The following CA12 variants were observed in gnomAD, a reference collection of about 807,000 sequenced individuals.
The protein encoded by CA12 is carbonic anhydrase 12.
CA12 carries 36 observed loss-of-function variants against 46.8 expected under a neutral mutation model. The ratio of observed to expected loss-of-function variants is 0.77; its 90% CI spans 0.59 to 1.02. The LOEUF (loss-of-function observed/expected upper bound fraction) is 1.02, where lower values mean the gene tolerates loss of function less well. Among genes scored for constraint, CA12 ranks in the 50% least tolerant of loss-of-function variants. The probability of loss-of-function intolerance (pLI) is 0.00; values close to 1 mark genes in which losing one functional copy is unlikely to be tolerated. For synonymous variants in CA12, 202 were observed against 187.0 expected (o/e 1.08, Z -0.65); for missense variants, 436 against 451.4 (o/e 0.97, Z 0.31).
Position 63,328,244 on chromosome 15 carries a change from A to G in CA12, c.875-114T>C. 1.1e-6 allele frequency: 1 copy of G among 924,122 alleles called. No homozygotes were observed. Among genetic ancestry groups the G allele is most frequent in the Non-Finnish European group, 1.8e-6 (1 of 569,260 alleles). The allele number at this position is 924,122 out of a possible 1,614,324, so 57.2% of individuals were successfully genotyped here. A position where few individuals can be genotyped will look rare whatever the true frequency, so the allele number is the denominator to read the frequency against. The stretch of plus-strand genomic sequence containing the variant: ...TTTGGTCTTAGGCTGACAGACCTCT[A>G]GGGATGTCCACCCTTGGCTCAGGGA... On this transcript the variant is annotated intron_variant, in intron 8 of 10. Transcript: ENST00000178638. The surrounding 1 kb of genome is among the most constrained non-coding windows in gnomAD (Gnocchi z 5.9).
At position 63,345,681 on chromosome 15, in the gene CA12, T is replaced by A; in HGVS notation, c.287-62A>T. On this transcript the variant is annotated intron_variant, in intron 3 of 10. Coordinates refer to ENST00000178638, the MANE Select transcript of CA12 (RefSeq NM_001218.5). This position sits in a 1 kb window ranked among gnomAD's most constrained non-coding sequence, Gnocchi z 4.3. ...CCAGCTGTGCACTGCCAGAGAGCAG[T>A]CAGGTAGGCAATGCTCCCTCCACCC... is the stretch of plus-strand genomic sequence containing the variant. 1 of 1,571,784 alleles carries A rather than the reference T, an allele frequency of 6.4e-7. No homozygotes were observed. The highest frequency in any genetic ancestry group is 8.6e-7 in the Non-Finnish European group (1 of 1,164,038).
chr15:63,335,686 G>T (rs1297680381), intron 8 of CA12, among the ~76,000 whole-genome samples: 1 of 151,622 alleles, frequency 6.6e-6, no homozygotes, highest in Non-Finnish European at 1.5e-5. Context: ...TGACTCTGTA[G>T]TTCTTGTTAA....
In CA12 at chr15:63,325,583, C is replaced by G. The variant is rs150453767; in HGVS notation, c.*702G>C. 1,633 of 153,072 alleles carry G rather than the reference C, an allele frequency of 0.011. 7 individuals are homozygous for G. Among genetic ancestry groups the G allele is most frequent in the Non-Finnish European group, 0.015 (1,034 of 68,558 alleles). The allele number at this position is 153,072 out of a possible 1,614,324, so 9.5% of individuals were successfully genotyped here. A position where few individuals can be genotyped will look rare whatever the true frequency, so the allele number is the denominator to read the frequency against. On this transcript the variant is annotated 3_prime_UTR_variant, in exon 11 of 11. Coordinates refer to ENST00000178638, the MANE Select transcript of CA12 (RefSeq NM_001218.5). The surrounding 1 kb of genome is among the most constrained non-coding windows in gnomAD (Gnocchi z 4.9). ...TCTCATTCTCTTTGTCCCTCTAGCT[C>G]TCTCTCCCTTCTCATCCCCACCAAG...
rs2039150404 is a variant in CA12, at chr15:63,346,515, A to G, written c.286+15T>C. 1.2e-6 allele frequency: 2 copies of G among 1,612,776 alleles called. No homozygotes were observed. The highest frequency in any genetic ancestry group is 1.3e-5 in the African/African-American group (1 of 74,886). On this transcript the variant is annotated intron_variant, in intron 3 of 10. Coordinates refer to ENST00000178638, the MANE Select transcript of CA12 (RefSeq NM_001218.5). ...CTCAGACATACCCCTCAGGTCTCCA[A>G]GGCCTCTCCCTCACCTGAATGGCCA...
rs1595794327 is a variant in CA12 at position 63,374,940 on chromosome 15, G to A, written c.106+718C>T. ...TATCAACATTCCCGCACTGGCCAGG[G>A]GACTCAGGTGTCTGGCCTGCCACAT... On this transcript the variant is annotated intron_variant, in intron 2 of 10. Transcript: ENST00000178638. The surrounding 1 kb of genome is among the most constrained non-coding windows in gnomAD (Gnocchi z 4.4). Among the ~76,000 whole-genome samples the A allele has an allele frequency of 6.6e-6, 1 of 152,166 alleles. No individual in the cohort carries two copies. The highest frequency in any genetic ancestry group is 2.4e-5 in the African/African-American group (1 of 41,440).
intron 2 of CA12, among the ~76,000 whole-genome samples, chr15:63,358,274 CA>C (rs1353151576): frequency 6.6e-6 from 1 of 152,182 alleles, no homozygotes; most frequent in Admixed American, 6.5e-5. Flanking sequence ...GCCTGGTTTC[CA>C]GAAAATGAGG....
intron 8 of CA12, among the ~76,000 whole-genome samples, chr15:63,334,390 G>A (rs2038973133): frequency 6.6e-6 from 1 of 151,318 alleles, no homozygotes; most frequent in African/African-American, 2.4e-5. Flanking sequence ...ACAGTAGATG[G>A]GACTACTGGC....
Position 63,381,542 on chromosome 15 carries a change from G to C in CA12, c.85+94C>G, listed in dbSNP as rs12102208. The C allele has an allele frequency of 6.9e-3, 7,036 of 1,015,846 alleles. 284 individuals carry two copies. The African/African-American group carries it at 0.093, about 13-fold the overall frequency. 62.9% of individuals were successfully genotyped at this position (1,015,846 alleles called of 1,614,324 possible). On this transcript the variant is annotated intron_variant, in intron 1 of 10. Coordinates refer to ENST00000178638, the MANE Select transcript of CA12 (RefSeq NM_001218.5). ...TGGTACTACACCTTCCCTGCTCCCC[G>C]CAGCAATGATTTTACTTTATCATTG...
intron 2 of CA12, among the ~76,000 whole-genome samples, chr15:63,361,753 C>G (rs2039366457): frequency 6.6e-6 from 1 of 152,056 alleles, no homozygotes; most frequent in African/African-American, 2.4e-5. Context: ...TCAGGAGGGA[C>G]TCCAGTCCAT....
intron 2 of CA12, among the ~76,000 whole-genome samples, chr15:63,371,310 G>A (rs575763127): frequency 5.9e-5 from 9 of 152,320 alleles, no homozygotes; most frequent in Non-Finnish European, 1.0e-4. Context: ...TCTTTAAGAC[G>A]GACAATGTAT....
At chr15:63,370,784 GAAAAAAA>G (rs1170113239) in intron 2 of CA12, among the ~76,000 whole-genome samples, 2 of 150,408 alleles carry the variant, frequency 1.3e-5, no homozygotes, top group South Asian at 2.1e-4. Context: ...AAAAAAAAAA[GAAAAAAA>G]AGAAAAAAGA....
intron 1 of CA12, chr15:63,379,103 G>A (rs552867205): frequency 9.9e-5 from 15 of 151,984 alleles, no homozygotes; most frequent in South Asian, 6.2e-4. Context: ...CTGTGAGGTC[G>A]CGGTGGTGAC....
intron 2 of CA12, among the ~76,000 whole-genome samples, chr15:63,371,583 C>T (rs923791603): frequency 2.6e-5 from 4 of 152,210 alleles, no homozygotes; most frequent in African/African-American, 7.2e-5. Flanking sequence ...TAGGGGTTGG[C>T]GCACCCTCCA....
intron 2 of CA12, among the ~76,000 whole-genome samples, chr15:63,360,410 C>T (rs1402232086): frequency 1.3e-5 from 2 of 152,198 alleles, no homozygotes; most frequent in South Asian, 4.1e-4. Context: ...GAGATATTGT[C>T]ACTATCATCT....
intron 2 of CA12, among the ~76,000 whole-genome samples, chr15:63,347,154 C>T (rs1042668485): frequency 5.9e-5 from 9 of 152,196 alleles, no homozygotes; most frequent in African/African-American, 9.7e-5. Flanking sequence ...AGCAAATCTG[C>T]GGGGCCACCC....
In CA12 at chr15:63,340,514, A is replaced by G. The variant is rs945051274; in HGVS notation, c.590-69T>C. 1 of 1,590,808 alleles carries G rather than the reference A, an allele frequency of 6.3e-7. No individual in the cohort carries two copies. The highest frequency in any genetic ancestry group is 8.6e-7 in the Non-Finnish European group (1 of 1,158,768). ...GTAGGGCATAAGTGCAGCTGAACAG[A>G]GCGACTGAGCCTAGAAACATGAACT... On this transcript the variant is annotated intron_variant, in intron 6 of 10. Transcript: ENST00000178638. The surrounding 1 kb of genome is among the most constrained non-coding windows in gnomAD (Gnocchi z 4.4).
chr15:63,346,373 G>C (rs1049235326), intron 3 of CA12, among the ~76,000 whole-genome samples, 157 bp downstream of exon 3: 1 of 152,140 alleles, frequency 6.6e-6, no homozygotes, highest in Non-Finnish European at 1.5e-5. Context: ...CCCCTGGAGA[G>C]AGTGCTCCTG....
At position 63,324,198 on chromosome 15, in the gene CA12, A is replaced by G. The variant is rs1195272902; in HGVS notation, c.*2087T>C. 6.6e-6 allele frequency: 1 copy of G among 152,242 alleles called. No homozygotes were observed. The highest frequency in any genetic ancestry group is 6.5e-5 in the Admixed American group (1 of 15,282). 9.4% of individuals were successfully genotyped at this position (152,242 alleles called of 1,614,324 possible). On this transcript the variant is annotated 3_prime_UTR_variant, in exon 11 of 11. Transcript: ENST00000178638. Reference sequence around the variant, plus strand: ...TGTCTGGTCTCAGCCTCGGGGCTGCAATCCAGGGCTGTGCTGAGCAGCAAG... The same window carrying G: ...TGTCTGGTCTCAGCCTCGGGGCTGCGATCCAGGGCTGTGCTGAGCAGCAAG...
intron 2 of CA12, among the ~76,000 whole-genome samples, chr15:63,357,957 A>T (rs184316330): frequency 1.3e-5 from 2 of 152,312 alleles, no homozygotes; most frequent in African/African-American, 4.8e-5. Flanking sequence ...TTCATCTGGC[A>T]TAATGTTTCC....
Sources: allele counts gnomAD v4.1 joint callset (sites outside exome capture counted in the v4.1 genomes callset), GRCh38; gene constraint gnomAD v4.1.1; non-coding constraint Gnocchi (gnomAD v3.1); transcripts MANE v1.5; gene names NCBI Gene and HGNC (gene_info 2026-07-23, HGNC 2026-07-21).